ZNF536: variants seen among roughly 807,000 people sequenced by gnomAD.
ZNF536 encodes zinc finger protein 536.
A neutral mutation model predicts 84.5 loss-of-function variants in ZNF536; 13 were observed. That is an observed-to-expected ratio of 0.15 (90% confidence interval 0.10 to 0.24). The LOEUF is 0.24. ZNF536 is among the 10% of genes least tolerant of loss of function. The pLI, the probability that ZNF536 is intolerant of heterozygous loss-of-function variation, is 1.00. For synonymous variants in ZNF536, 811 were observed against 742.5 expected (o/e 1.09, Z -1.50); for missense variants, 1,536 against 1,747.5 (o/e 0.88, Z 2.16).
chr19:30,241,325 AC>A (rs1321117842), intron 1 of ZNF536, among the ~76,000 whole-genome samples: 1 of 152,222 alleles, frequency 6.6e-6, no homozygotes, highest in Non-Finnish European at 1.5e-5. Flanking sequence ...AAAAACAGAA[AC>A]AAAAACGAAA....
chr19:30,303,793 G>C (rs899902352), intron 2 of ZNF536, among the ~76,000 whole-genome samples: 1 of 152,130 alleles, frequency 6.6e-6, no homozygotes, highest in East Asian at 1.9e-4. Flanking sequence ...ATGCCCAGCC[G>C]ACACTTTTTT....
At chr19:30,332,237 T>C (rs1000706163) in intron 2 of ZNF536, among the ~76,000 whole-genome samples, 2 of 152,248 alleles carry the variant, frequency 1.3e-5, no homozygotes, top group African/African-American at 4.8e-5. Flanking sequence ...AGAAGTCTTG[T>C]AGGATCTTCC....
intron 2 of ZNF536, among the ~76,000 whole-genome samples, chr19:30,533,649 A>G (rs1432365733): frequency 6.6e-6 from 1 of 152,226 alleles, no homozygotes; most frequent in East Asian, 1.9e-4. Flanking sequence ...TGCATTTTCC[A>G]TTGCTTGGAA....
chr19:30,439,603 T>G (rs1033373258), intron 1 of ZNF536, among the ~76,000 whole-genome samples: 23 of 152,218 alleles, frequency 1.5e-4, no homozygotes, highest in African/African-American at 5.5e-4. Flanking sequence ...CGGCCTCGGC[T>G]GCACCTGCTC....
upstream of ZNF536, among the ~76,000 whole-genome samples, chr19:30,371,414 T>G (rs1261892755): frequency 1.3e-5 from 2 of 152,200 alleles, no homozygotes; most frequent in Non-Finnish European, 2.9e-5. Flanking sequence ...TCTGTATTGG[T>G]GTACAGTACA....
chr19:30,582,708 A>G (rs1599878646), intron 1 of ZNF536, among the ~76,000 whole-genome samples: 1 of 152,216 alleles, frequency 6.6e-6, no homozygotes. Context: ...TGGCTGGTGG[A>G]AGGTGAAAGG....
chr19:30,356,847 G>A (rs1245553955), intron 3 of ZNF536, among the ~76,000 whole-genome samples: 1 of 152,224 alleles, frequency 6.6e-6, no homozygotes, highest in Non-Finnish European at 1.5e-5. Context: ...TGGGATCTGA[G>A]GCCAGAGAAG....
At chr19:30,394,240 A>G (rs2049719816) in intron 1 of ZNF536, among the ~76,000 whole-genome samples, 1 of 152,076 alleles carries the variant, frequency 6.6e-6, no homozygotes, top group Admixed American at 6.5e-5. Flanking sequence ...GTGTTATAGA[A>G]TTGCTGAAAT....
intron 1 of ZNF536, among the ~76,000 whole-genome samples, chr19:30,278,368 G>A (rs2045315523): frequency 6.6e-6 from 1 of 152,194 alleles, no homozygotes; most frequent in Admixed American, 6.5e-5. Flanking sequence ...CTGGCCATGG[G>A]CGATTAGGGC....
In ZNF536 at chr19:30,488,426, C is replaced by T. The variant is rs550694502; in HGVS notation, c.2170+42694C>T. On this transcript the variant is annotated intron_variant, in intron 2 of 4. Transcript: ENST00000355537. ...CATGAATCAATTCCTGACTCATTCC[C>T]GGAATCTGGAGTTGTGGTTTCTTTT... Among the ~76,000 whole-genome samples the T allele has an allele frequency of 1.8e-3, 280 of 152,204 alleles. 2 individuals carry two copies. The highest frequency in any genetic ancestry group is 6.4e-3 in the African/African-American group (266 of 41,532).
chr19:30,280,449 C>A (rs1354622353), intron 1 of ZNF536, among the ~76,000 whole-genome samples: 3 of 152,192 alleles, frequency 2.0e-5, no homozygotes, highest in African/African-American at 4.8e-5. Flanking sequence ...AGGTGAGGGG[C>A]TGGAAGGAGA....
intron 2 of ZNF536, among the ~76,000 whole-genome samples, chr19:30,472,386 C>T (rs957710438): frequency 5.3e-5 from 8 of 152,156 alleles, no homozygotes; most frequent in African/African-American, 7.2e-5. Flanking sequence ...CCATCACTAA[C>T]GATGCCCGGT....
rs536791643 is a variant in ZNF536 at position 30,589,724 on chromosome 19, G to C, written c.169+40210G>C. On this transcript the variant is annotated intron_variant, in intron 1 of 1. Coordinates refer to the ZNF536 transcript ENST00000592773. ...CTGGGCTTAGAGTCCACCCAGTGGA[G>C]CAGCAAGGAAGCTGGGGTGTTCATT... is the stretch of plus-strand genomic sequence containing the variant. Among the ~76,000 whole-genome samples, 6 of 152,312 alleles carry C rather than the reference G, an allele frequency of 3.9e-5. No individual in the cohort carries two copies. The East Asian group carries it at 1.2e-3, about 29-fold the overall frequency.
chr19:30,597,940 A>G (rs982490795), intron 1 of ZNF536, among the ~76,000 whole-genome samples: 7 of 152,112 alleles, frequency 4.6e-5, no homozygotes, highest in East Asian at 1.9e-4. Context: ...TGTTGTATGC[A>G]TATAGTTATT....
intron 1 of ZNF536, among the ~76,000 whole-genome samples, chr19:30,387,037 A>T (rs1205129801): frequency 6.6e-6 from 1 of 152,236 alleles, no homozygotes; most frequent in Non-Finnish European, 1.5e-5. Context: ...AGCAATGTGC[A>T]GACGAGAGTC....
chr19:30,552,428 CT>C (rs1568547778), intron 4 of ZNF536, among the ~76,000 whole-genome samples: 1 of 152,204 alleles, frequency 6.6e-6, no homozygotes, highest in Non-Finnish European at 1.5e-5. Context: ...AGGAAGGGCT[CT>C]GTTCTCAAGG....
intron 1 of ZNF536, among the ~76,000 whole-genome samples, chr19:30,259,021 A>G (rs915727704): frequency 6.6e-6 from 1 of 152,058 alleles, no homozygotes; most frequent in African/African-American, 2.4e-5. Flanking sequence ...ACCGGCCAAA[A>G]TTTTTTATTT....
chr19:30,633,195 TA>T (rs2048951448), intron 1 of ZNF536, among the ~76,000 whole-genome samples: 1 of 152,244 alleles, frequency 6.6e-6, no homozygotes, highest in Non-Finnish European at 1.5e-5. Flanking sequence ...CTGATTGTGG[TA>T]TCAGATGGAA....
intron 2 of ZNF536, among the ~76,000 whole-genome samples, chr19:30,346,265 G>A (rs2047740013): frequency 6.6e-6 from 1 of 152,160 alleles, no homozygotes; most frequent in South Asian, 2.1e-4. Context: ...CTCGGGAAAA[G>A]GATTCTGCTA....
Sources: allele counts gnomAD v4.1 joint callset (sites outside exome capture counted in the v4.1 genomes callset), GRCh38; gene constraint gnomAD v4.1.1; transcripts MANE v1.5; gene names NCBI Gene and HGNC (gene_info 2026-07-23, HGNC 2026-07-21).